The following NIPA1 variants were observed in gnomAD, a reference collection of about 807,000 sequenced individuals.
NIPA1 encodes NIPA magnesium transporter 1.
In NIPA1, 13 loss-of-function variants were observed where a neutral mutation model predicts 23.9. That is an observed-to-expected ratio of 0.54 (90% CI 0.35 to 0.87). NIPA1 has a LOEUF of 0.87. Ranked by LOEUF, NIPA1 falls within the 40% of genes least tolerant of loss-of-function variation. The probability of loss-of-function intolerance (pLI) is 0.01; values close to 1 mark genes in which losing one functional copy is unlikely to be tolerated. For missense variants in NIPA1, 362 were observed against 429.7 expected (o/e 0.84, Z 1.39); for synonymous variants, 234 against 202.9 (o/e 1.15, Z -1.30).
At chr15:22,811,137 G>T (rs762734956) in intron 2 of NIPA1, 21 of 306,726 alleles carry the variant, frequency 6.8e-5, no homozygotes, top group Non-Finnish European at 1.2e-4. Context: ...TAGTCGGGCT[G>T]TTGGCATTTG....
At chr15:22,801,167 TC>T (rs1895069371) in intron 1 of NIPA1, among the ~76,000 whole-genome samples, 1 of 152,066 alleles carries the variant, frequency 6.6e-6, no homozygotes, top group Admixed American at 6.6e-5. Context: ...CGTGAGCTTG[TC>T]CCCCTGTTAG....
intron 3 of NIPA1, among the ~76,000 whole-genome samples, chr15:22,814,968 C>G: frequency 6.6e-6 from 1 of 152,260 alleles, no homozygotes; most frequent in Middle Eastern, 3.4e-3. Context: ...AGCATCCTGG[C>G]CTTCACCTCC....
intron 3 of NIPA1, among the ~76,000 whole-genome samples, chr15:22,817,658 A>C (rs900608060): frequency 1.3e-5 from 2 of 151,770 alleles, no homozygotes; most frequent in African/African-American, 4.8e-5. Flanking sequence ...ACAAAAAATT[A>C]GCCGGGCGTA....
At chr15:22,794,461 GGACT>G (rs1894900920) in intron 1 of NIPA1, among the ~76,000 whole-genome samples, 1 of 152,080 alleles carries the variant, frequency 6.6e-6, no homozygotes, top group African/African-American at 2.4e-5. Context: ...GTACTTCACA[GGACT>G]GAGCTGAACA....
At chr15:22,822,732 CAGG>C (rs1228438961) in intron 4 of NIPA1, among the ~76,000 whole-genome samples, 4 of 151,794 alleles carry the variant, frequency 2.6e-5, no homozygotes. Context: ...GAGGCTGAAG[CAGG>C]AGAATCGCTT....
intron 1 of NIPA1, among the ~76,000 whole-genome samples, chr15:22,793,969 G>C (rs1047265892): frequency 6.6e-6 from 1 of 152,056 alleles, no homozygotes; most frequent in African/African-American, 2.4e-5. Flanking sequence ...GTTACTCTAG[G>C]CTTATAATTT....
rs376373736 is a variant in NIPA1, at chr15:22,789,135, G to A, written c.178+2301G>A. On this transcript the variant is annotated intron_variant, in intron 1 of 4. Coordinates refer to ENST00000337435, the MANE Select transcript of NIPA1 (RefSeq NM_144599.5). ...AGCCTCCCGAGCTGGGATTACAGGC[G>A]CGTGCCACCATATCTGGCTAATTTT... Among the ~76,000 whole-genome samples, 30 of 151,552 alleles carry A rather than the reference G, an allele frequency of 2.0e-4. No homozygotes were observed. In the East Asian group the frequency reaches 4.7e-3, roughly 24 times the overall value.
At chr15:22,796,774 G>A (rs958918029) in intron 1 of NIPA1, among the ~76,000 whole-genome samples, 2 of 152,176 alleles carry the variant, frequency 1.3e-5, no homozygotes, top group Admixed American at 1.3e-4. Context: ...GCCAGGGCTG[G>A]TCTGAGAGGC....
intron 1 of NIPA1, among the ~76,000 whole-genome samples, chr15:22,790,946 T>C (rs1250884535): frequency 6.6e-6 from 1 of 152,260 alleles, no homozygotes; most frequent in East Asian, 1.9e-4. Context: ...CTGGAAAAAG[T>C]TGTGTCTTAC....
intron 1 of NIPA1, among the ~76,000 whole-genome samples, chr15:22,791,914 G>A (rs566359941): frequency 5.9e-5 from 9 of 152,198 alleles, no homozygotes; most frequent in African/African-American, 1.9e-4. Flanking sequence ...TCCAGGGAGC[G>A]TCCTCTACAG....
chr15:22,812,757 A>G (rs1895344959), intron 3 of NIPA1, among the ~76,000 whole-genome samples: 1 of 151,942 alleles, frequency 6.6e-6, no homozygotes, highest in South Asian at 2.1e-4. Flanking sequence ...TTAGATATTT[A>G]GTATATTTGA....
chr15:22,788,498 C>CAAAAAAAAAA (rs905296655), intron 1 of NIPA1, among the ~76,000 whole-genome samples: 11 of 89,590 alleles, frequency 1.2e-4, no homozygotes, highest in African/African-American at 3.5e-4. Context: ...GACTCCATCT[C>CAAAAAAAAAA]AAAAAAAAAA....
At chr15:22,787,586 C>T (rs943857244) in intron 1 of NIPA1, among the ~76,000 whole-genome samples, 4 of 152,202 alleles carry the variant, frequency 2.6e-5, no homozygotes, top group Admixed American at 2.6e-4. Flanking sequence ...GTAGAGCTCT[C>T]TGTCAGTGTC....
rs1045115294 is a variant in NIPA1, at chr15:22,825,822, T to A, written c.*1583T>A. 2.0e-5 allele frequency: 3 copies of A among 152,654 alleles called. No individual in the cohort carries two copies. Among genetic ancestry groups the A allele is most frequent in the Non-Finnish European group, 4.4e-5 (3 of 68,040 alleles). The allele number at this position is 152,654 out of a possible 1,614,324, so 9.5% of individuals were successfully genotyped here. A position where few individuals can be genotyped will look rare whatever the true frequency, so the allele number is the denominator to read the frequency against. On this transcript the variant is annotated 3_prime_UTR_variant, in exon 5 of 5. Coordinates refer to ENST00000337435, the MANE Select transcript of NIPA1 (RefSeq NM_144599.5). ...CTAACCTCTCATTATGTGTCTTAAA[T>A]GCAAAAGAGCCATTAATTATGCCAG...
chr15:22,792,424 T>G (rs1211247073), intron 1 of NIPA1, among the ~76,000 whole-genome samples: 1 of 151,896 alleles, frequency 6.6e-6, no homozygotes, highest in Non-Finnish European at 1.5e-5. Context: ...AGTGGCATGA[T>G]CTCCACTCAC....
chr15:22,812,550 G>A (rs143343672), intron 3 of NIPA1, among the ~76,000 whole-genome samples: 1 of 152,118 alleles, frequency 6.6e-6, no homozygotes, highest in East Asian at 1.9e-4. Flanking sequence ...CTACTCGGGA[G>A]GGTGAGACAC....
At chr15:22,809,035 C>A (rs1191429192) in intron 1 of NIPA1, among the ~76,000 whole-genome samples, 1 of 152,034 alleles carries the variant, frequency 6.6e-6, no homozygotes, top group Admixed American at 6.6e-5. Flanking sequence ...AGCAGGCTAG[C>A]AGGCTATGTG....
Position 22,827,939 on chromosome 15 carries a change from T to A in NIPA1, c.*3700T>A, listed in dbSNP as rs535236262. On this transcript the variant is annotated 3_prime_UTR_variant, in exon 5 of 5. Coordinates refer to ENST00000337435, the MANE Select transcript of NIPA1 (RefSeq NM_144599.5). ...AGCTAACCCAGAAGAGGGGAGAGAG[T>A]ACTCCGGTGGTTCCCAGAGCCCCTC... 6.6e-6 allele frequency: 1 copy of A among 151,904 alleles called. No individual in the cohort carries two copies. The highest frequency in any genetic ancestry group is 6.6e-5 in the Admixed American group (1 of 15,222). 9.4% of individuals were successfully genotyped at this position (151,904 alleles called of 1,614,324 possible). A position where few individuals can be genotyped will look rare whatever the true frequency, so the allele number is the denominator to read the frequency against.
intron 3 of NIPA1, among the ~76,000 whole-genome samples, chr15:22,818,625 G>A (rs951609113): frequency 5.9e-5 from 9 of 151,652 alleles, no homozygotes; most frequent in East Asian, 1.9e-4. Flanking sequence ...GTGAAACCCC[G>A]TCCTTACTAA....
Sources: gnomAD v4.1 joint callset for allele counts (sites outside exome capture counted in the v4.1 genomes callset) on GRCh38, gnomAD v4.1.1 for gene constraint, MANE v1.5 for transcripts, NCBI Gene and HGNC (gene_info 2026-07-23, HGNC 2026-07-21) for gene names.